NEK10: variants seen among roughly 807,000 people sequenced by gnomAD.
NEK10 encodes serine/threonine-protein kinase Nek10.
Under a neutral mutation model 159.8 loss-of-function variants are expected in NEK10, and 122 were observed. That is an observed-to-expected ratio of 0.76 (90% confidence interval 0.66 to 0.89). The LOEUF (loss-of-function observed/expected upper bound fraction) is 0.89. Among genes scored for constraint, NEK10 ranks in the 40% least tolerant of loss-of-function variants. The pLI, the probability that NEK10 is intolerant of heterozygous loss-of-function variation, is 0.00. For missense variants in NEK10, 1,342 were observed against 1,323.1 expected, an observed-to-expected ratio of 1.01 and a Z score of -0.22; for synonymous variants, 466 against 457.1, an observed-to-expected ratio of 1.02 and a Z score of -0.25.
intron 29 of NEK10, among the ~76,000 whole-genome samples, chr3:27,166,342 T>A (rs1248415165): frequency 6.6e-6 from 1 of 152,184 alleles, no homozygotes; most frequent in Non-Finnish European, 1.5e-5. Flanking sequence ...AGTATAGAAC[T>A]ATTACAGAAA....
At chr3:27,306,190 T>G (rs1285864328) in intron 11 of NEK10, among the ~76,000 whole-genome samples, 1 of 152,102 alleles carries the variant, frequency 6.6e-6, no homozygotes, top group Non-Finnish European at 1.5e-5. Flanking sequence ...CAAGAGCTCT[T>G]AGTGTTTTCT....
intron 23 of NEK10, among the ~76,000 whole-genome samples, chr3:27,249,705 T>G (rs574686851): frequency 1.3e-5 from 2 of 152,212 alleles, no homozygotes; most frequent in Non-Finnish European, 2.9e-5. Flanking sequence ...GAGAGTTTCA[T>G]CCATTTACAT....
At chr3:27,281,512 C>T (rs943160810) in intron 22 of NEK10, among the ~76,000 whole-genome samples, 7 of 151,010 alleles carry the variant, frequency 4.6e-5, no homozygotes, top group African/African-American at 1.5e-4. Flanking sequence ...TAGAGAAATG[C>T]CTTTAAAACT....
chr3:27,273,271 T>A (rs1165599895), intron 22 of NEK10, among the ~76,000 whole-genome samples: 1 of 152,142 alleles, frequency 6.6e-6, no homozygotes, highest in South Asian at 2.1e-4. Context: ...AAACTACTCA[T>A]CCTTGTACAG....
chr3:27,285,029 A>G (rs1036773360), intron 20 of NEK10, 68 bp from the exon 21 acceptor site: 6 of 1,256,248 alleles, frequency 4.8e-6, no homozygotes, highest in Non-Finnish European at 5.5e-6. Flanking sequence ...AACTTTACGA[A>G]TGAGAGTTCA....
At chr3:27,190,822 T>C (rs1320012126) in intron 26 of NEK10, among the ~76,000 whole-genome samples, 1 of 152,230 alleles carries the variant, frequency 6.6e-6, no homozygotes, top group Non-Finnish European at 1.5e-5. Flanking sequence ...TGCCTAGTTA[T>C]TATGAAGTCA....
At position 27,168,629 on chromosome 3, in the gene NEK10, G is replaced by A. The variant is rs150577300; in HGVS notation, c.2831+3190C>T. Among the ~76,000 whole-genome samples, 541 of 152,144 alleles carry A rather than the reference G, an allele frequency of 3.6e-3. 4 individuals carry two copies. The highest frequency in any genetic ancestry group is 4.0e-3 in the Non-Finnish European group (273 of 67,986). ...TTATCATTTATTTTCTTCTGAAGTC[G>A]GCCCTTGTCTTCCCATTTTGCTGTG... On this transcript the variant is annotated intron_variant, in intron 29 of 35. Coordinates refer to ENST00000691995, the MANE Select transcript of NEK10 (RefSeq NM_001394966.1).
At chr3:27,228,735 A>G (rs1404733571) in intron 23 of NEK10, among the ~76,000 whole-genome samples, 4 of 152,272 alleles carry the variant, frequency 2.6e-5, no homozygotes, top group East Asian at 3.9e-4. Context: ...AGGCAGAGTG[A>G]CAATTCCTCC....
intron 23 of NEK10, among the ~76,000 whole-genome samples, chr3:27,251,372 T>A (rs1300508860): frequency 6.6e-6 from 1 of 152,214 alleles, no homozygotes; most frequent in Non-Finnish European, 1.5e-5. Context: ...AATGACTGGA[T>A]CATGGGGGTG....
intron 22 of NEK10, among the ~76,000 whole-genome samples, chr3:27,280,725 C>T (rs2042092865): frequency 6.6e-6 from 1 of 152,138 alleles, no homozygotes. Flanking sequence ...CGCAGTGCTT[C>T]TGACAGCCTT....
In NEK10 at chr3:27,291,469, A is replaced by G. The variant is rs776407921; in HGVS notation, c.1476+15T>C. Reference sequence around the variant, plus strand: ...ACATAGCAGCCTGCCAAAATATTGAAAACTCAGGACTTACCACTAATAAAT... The same window carrying G: ...ACATAGCAGCCTGCCAAAATATTGAGAACTCAGGACTTACCACTAATAAAT... On this transcript the variant is annotated intron_variant, in intron 17 of 35. Transcript: ENST00000691995. The G allele has an allele frequency of 2.5e-6, 4 of 1,602,932 alleles. No individual in the cohort carries two copies. In the East Asian group the frequency reaches 8.9e-5, roughly 36 times the overall value.
chr3:27,175,739 C>CTA (rs1947444989), intron 26 of NEK10, among the ~76,000 whole-genome samples: 1 of 152,106 alleles, frequency 6.6e-6, no homozygotes, highest in African/African-American at 2.4e-5. Flanking sequence ...CAAAGTAAAG[C>CTA]TACAGATCAG....
chr3:27,295,384 C>G (rs934308436), intron 15 of NEK10, among the ~76,000 whole-genome samples: 1 of 152,108 alleles, frequency 6.6e-6, no homozygotes, highest in Non-Finnish European at 1.5e-5. Context: ...CAAAGAAACA[C>G]CTAAATAAAT....
intron 9 of NEK10, chr3:27,310,513 A>G (rs570795625): frequency 6.5e-6 from 1 of 152,820 alleles, no homozygotes; most frequent in East Asian, 1.9e-4. Context: ...TGCTATAAAT[A>G]TAGTCTGTTT....
chr3:27,252,861 T>G (rs1306012491), intron 23 of NEK10: 1 of 508,390 alleles, frequency 2.0e-6, no homozygotes, highest in African/African-American at 1.9e-5. Context: ...GGCCAGAGAA[T>G]GCAAGGTTGT....
At chr3:27,359,598 A>G (rs2048543056) in intron 1 of NEK10, among the ~76,000 whole-genome samples, 1 of 152,214 alleles carries the variant, frequency 6.6e-6, no homozygotes, top group Admixed American at 6.5e-5. Flanking sequence ...AAAAGTAGTT[A>G]AAATAAGATA....
intron 22 of NEK10, among the ~76,000 whole-genome samples, chr3:27,269,478 G>T (rs527970830): frequency 6.6e-6 from 1 of 152,278 alleles, no homozygotes; most frequent in South Asian, 2.1e-4. Context: ...CCAGCAAAAA[G>T]ATTATGACTT....
intron 22 of NEK10, among the ~76,000 whole-genome samples, chr3:27,257,788 CTTTTT>C (rs79727702): frequency 7.7e-6 from 1 of 130,510 alleles, no homozygotes. Context: ...TTTCTTTTTT[CTTTTT>C]TTTTTTTTTT....
chr3:27,307,023 A>T (rs900642983), intron 11 of NEK10, among the ~76,000 whole-genome samples: 2 of 152,126 alleles, frequency 1.3e-5, no homozygotes, highest in African/African-American at 4.8e-5. Flanking sequence ...ATGTTCCCAG[A>T]GTACCCTGTG....
Sources: allele counts gnomAD v4.1 joint callset (sites outside exome capture counted in the v4.1 genomes callset), GRCh38; gene constraint gnomAD v4.1.1; transcripts MANE v1.5; gene names NCBI Gene and HGNC (gene_info 2026-07-23, HGNC 2026-07-21).